The following ST8SIA5 variants were observed in gnomAD, a reference collection of about 807,000 sequenced individuals.
ST8SIA5 encodes alpha-2,8-sialyltransferase 8E.
ST8SIA5 carries 24 observed loss-of-function variants against 40.2 expected under a neutral mutation model. The observed-to-expected ratio is 0.60, with a 90% CI of 0.43 to 0.84. ST8SIA5 has a LOEUF of 0.84. ST8SIA5 is among the 40% of genes least tolerant of loss of function. The pLI is 0.00. For missense variants in ST8SIA5, 465 were observed against 498.5 expected (o/e 0.93, Z 0.64); for synonymous variants, 198 against 201.8 (o/e 0.98, Z 0.16).
chr18:46,694,338 A>C (rs1401997990), intron 2 of ST8SIA5, among the ~76,000 whole-genome samples: 1 of 152,214 alleles, frequency 6.6e-6, no homozygotes, highest in Non-Finnish European at 1.5e-5. Context: ...AGATCCCTTA[A>C]TATGTCTCAT....
At chr18:46,694,402 C>T (rs568539624) in intron 2 of ST8SIA5, among the ~76,000 whole-genome samples, 38 of 152,154 alleles carry the variant, frequency 2.5e-4, no homozygotes, top group African/African-American at 8.9e-4. Flanking sequence ...TTGAGTAGTT[C>T]GAAAAATTGT....
chr18:46,714,954 G>A (rs2039772079), intron 1 of ST8SIA5, among the ~76,000 whole-genome samples: 1 of 152,144 alleles, frequency 6.6e-6, no homozygotes. Context: ...ACTTAAGGAG[G>A]AGGAGTCTCC....
intron 2 of ST8SIA5, among the ~76,000 whole-genome samples, chr18:46,699,851 T>C (rs117780159): frequency 0.022 from 3,325 of 152,288 alleles, 78 homozygotes; most frequent in Non-Finnish European, 0.027. Context: ...GGACAGAGAC[T>C]TGTGAACACT....
At chr18:46,742,152 T>G (rs1450690433) in intron 1 of ST8SIA5, among the ~76,000 whole-genome samples, 1 of 151,746 alleles carries the variant, frequency 6.6e-6, no homozygotes. Context: ...AAAACAAAAC[T>G]TTTAACACAT....
chr18:46,685,900 A>C, intron 5 of ST8SIA5: 1 of 434,458 alleles, frequency 2.3e-6, no homozygotes, highest in Non-Finnish European at 4.2e-6. Context: ...ACACAGCTGC[A>C]AGCTCCTAAG....
intron 1 of ST8SIA5, among the ~76,000 whole-genome samples, chr18:46,741,416 T>G (rs1393389760): frequency 6.6e-6 from 1 of 152,170 alleles, no homozygotes; most frequent in Non-Finnish European, 1.5e-5. Context: ...ATGGAAAACA[T>G]TAGGTGCAGA....
At chr18:46,704,907 A>G (rs2039655240) in intron 1 of ST8SIA5, among the ~76,000 whole-genome samples, 1 of 152,222 alleles carries the variant, frequency 6.6e-6, no homozygotes, top group Non-Finnish European at 1.5e-5. Context: ...ACAGAGGCAT[A>G]AACAGATTTC....
chr18:46,721,271 C>T (rs938260224), intron 1 of ST8SIA5: 7 of 1,183,426 alleles, frequency 5.9e-6, no homozygotes, highest in Non-Finnish European at 8.4e-6. Flanking sequence ...CCTGCTTCTT[C>T]CACCCTAGGA....
chr18:46,694,503 C>T (rs1176636898), intron 2 of ST8SIA5, among the ~76,000 whole-genome samples: 7 of 152,182 alleles, frequency 4.6e-5, no homozygotes, highest in African/African-American at 1.7e-4. Flanking sequence ...GCACAGTCCC[C>T]ACTTTAGGGC....
intron 5 of ST8SIA5, among the ~76,000 whole-genome samples, chr18:46,682,513 A>G (rs1452736100): frequency 3.3e-5 from 5 of 152,250 alleles, no homozygotes; most frequent in Non-Finnish European, 7.3e-5. Flanking sequence ...ATGTTCGAAG[A>G]TGCATCTTAG....
chr18:46,744,109 C>T (rs1179967874), intron 1 of ST8SIA5, among the ~76,000 whole-genome samples: 3 of 152,212 alleles, frequency 2.0e-5, no homozygotes, highest in Non-Finnish European at 4.4e-5. Context: ...ACTGCAAAAA[C>T]ATGCCAAATT....
chr18:46,704,380 A>G (rs182899487), intron 2 of ST8SIA5, among the ~76,000 whole-genome samples, 192 bp downstream of exon 2: 10 of 152,122 alleles, frequency 6.6e-5, no homozygotes, highest in Non-Finnish European at 1.3e-4. Flanking sequence ...AACAGGCACA[A>G]TCATCACTGT....
chr18:46,682,322 C>T (rs2039405777), intron 5 of ST8SIA5, among the ~76,000 whole-genome samples: 1 of 152,204 alleles, frequency 6.6e-6, no homozygotes, highest in African/African-American at 2.4e-5. Flanking sequence ...CAGTTACAAG[C>T]TTGGGTAGTC....
intron 1 of ST8SIA5, among the ~76,000 whole-genome samples, chr18:46,707,160 A>T (rs1431206983): frequency 6.6e-6 from 1 of 152,212 alleles, no homozygotes; most frequent in Non-Finnish European, 1.5e-5. Flanking sequence ...TGTTTGTAAC[A>T]TGAGCTGGTG....
chr18:46,733,313 C>G (rs2040002525), intron 1 of ST8SIA5, among the ~76,000 whole-genome samples: 1 of 152,202 alleles, frequency 6.6e-6, no homozygotes, highest in Non-Finnish European at 1.5e-5. Context: ...TGTTAATCAG[C>G]AAATCACTTG....
At chr18:46,690,301 C>T (rs2039492252) in intron 3 of ST8SIA5, among the ~76,000 whole-genome samples, 1 of 152,238 alleles carries the variant, frequency 6.6e-6, no homozygotes, top group Non-Finnish European at 1.5e-5. Flanking sequence ...CCACCTGACA[C>T]TCCCTCATGG....
At chr18:46,738,073 T>C (rs1159514870) in intron 1 of ST8SIA5, among the ~76,000 whole-genome samples, 1 of 152,004 alleles carries the variant, frequency 6.6e-6, no homozygotes, top group Admixed American at 6.6e-5. Flanking sequence ...TCCTGGCCAA[T>C]AGTTAATATT....
rs114884542 is a variant in ST8SIA5 at position 46,704,813 on chromosome 18, C to T, written c.132-149G>A. 1.4e-3 allele frequency: 947 copies of T among 683,674 alleles called. 7 individuals carry two copies. In the African/African-American group the frequency reaches 0.015, roughly 11 times the overall value. 42.4% of individuals were successfully genotyped at this position (683,674 alleles called of 1,614,324 possible). Reference sequence around the variant, plus strand: ...CCAGCAGATGTCCCATTAGGGGCTTCAGGCAGACCATGGGGCCCTCTGGCT... The same window carrying T: ...CCAGCAGATGTCCCATTAGGGGCTTTAGGCAGACCATGGGGCCCTCTGGCT... On this transcript the variant is annotated intron_variant, in intron 1 of 6. Coordinates refer to ENST00000315087, the MANE Select transcript of ST8SIA5 (RefSeq NM_013305.6).
chr18:46,755,221 T>C (rs2040230801), intron 1 of ST8SIA5, among the ~76,000 whole-genome samples: 1 of 152,172 alleles, frequency 6.6e-6, no homozygotes. Flanking sequence ...GCAGCGATCC[T>C]CACCCTCCCA....
Sources: allele counts gnomAD v4.1 joint callset (sites outside exome capture counted in the v4.1 genomes callset), GRCh38; gene constraint gnomAD v4.1.1; transcripts MANE v1.5; gene names NCBI Gene and HGNC (gene_info 2026-07-23, HGNC 2026-07-21).